PCNX2: variants seen among roughly 807,000 people sequenced by gnomAD.
PCNX2 encodes the protein pecanex-like protein 2.
PCNX2 carries 168 observed loss-of-function variants against 223.8 expected under a neutral mutation model. The observed-to-expected ratio is 0.75, with a 90% CI of 0.66 to 0.85. PCNX2 has a LOEUF of 0.85. PCNX2 is among the 40% of genes least tolerant of loss of function. PCNX2 has a pLI of 0.00. For synonymous variants in PCNX2, 1,006 were observed against 1,052.6 expected, an observed-to-expected ratio of 0.96 and a Z score of 0.86; for missense variants, 2,507 against 2,675.5, an observed-to-expected ratio of 0.94 and a Z score of 1.39.
At chr1:233,065,005 T>A (rs963018397) in intron 23 of PCNX2, among the ~76,000 whole-genome samples, 5 of 151,834 alleles carry the variant, frequency 3.3e-5, no homozygotes, top group Admixed American at 6.6e-5. Flanking sequence ...AAAACTAAAA[T>A]TTTTTTTTCA....
At chr1:233,249,426 C>G (rs1404202612) in intron 8 of PCNX2, among the ~76,000 whole-genome samples, 1 of 152,218 alleles carries the variant, frequency 6.6e-6, no homozygotes, top group African/African-American at 2.4e-5. Flanking sequence ...AAGCTGCCAT[C>G]TTAGATGACT....
chr1:232,990,999 C>T lies in PCNX2; in HGVS notation c.5792-4459G>A, dbSNP rs1242860518. ...GGTGGTGTGGTCTTCACATGTGCTC[C>T]TGTCACAGGCTCTGCAGAAGTTAGG... On this transcript the variant is annotated intron_variant, in intron 32 of 33. Transcript: ENST00000258229. The surrounding 1 kb of genome is among the most constrained non-coding windows in gnomAD (Gnocchi z 4.3). Among the ~76,000 whole-genome samples the T allele has an allele frequency of 1.3e-5, 2 of 152,204 alleles. No homozygotes were observed. Among genetic ancestry groups the T allele is most frequent in the Non-Finnish European group, 2.9e-5 (2 of 68,034 alleles).
chr1:233,128,911 G>A (rs548492223), intron 21 of PCNX2, among the ~76,000 whole-genome samples: 12 of 152,356 alleles, frequency 7.9e-5, no homozygotes, highest in Admixed American at 3.9e-4. Flanking sequence ...CATGTCTCAG[G>A]AAGGGACATG....
intron 26 of PCNX2, 114 bp from the exon 27 acceptor site, chr1:233,017,268 T>A: frequency 1.6e-6 from 1 of 643,656 alleles, no homozygotes; most frequent in Admixed American, 3.5e-5. Flanking sequence ...TTGTATGTTC[T>A]GCTGGGTGTA....
At position 233,198,943 on chromosome 1, in the gene PCNX2, A is replaced by G. The variant is rs1680893127; in HGVS notation, c.3062T>C (p.Val1021Ala). The G allele has an allele frequency of 1.2e-6, 2 of 1,603,268 alleles. No individual in the cohort carries two copies. Among genetic ancestry groups the G allele is most frequent in the Non-Finnish European group, 1.7e-6 (2 of 1,175,224 alleles). Residue 1021 changes from valine to alanine, a missense_variant, in exon 15 of 34, where the codon GTG becomes GCG. Coordinates refer to ENST00000258229, the MANE Select transcript of PCNX2 (RefSeq NM_014801.4). Reference sequence around the variant, plus strand: ...GCCCATGGTCCTCACACCTACCTTCACTGCACTGAAGCAGACTGCGTGGAG... The same window carrying G: ...GCCCATGGTCCTCACACCTACCTTCGCTGCACTGAAGCAGACTGCGTGGAG... ...ALLHAVCFSAVKEPWSMQHIP... is the reference protein window; with the variant it reads ...ALLHAVCFSAAKEPWSMQHIP...
At position 232,999,126 on chromosome 1, in the gene PCNX2, C is replaced by T. The variant is rs759979380; in HGVS notation, c.5582G>A (p.Trp1861Ter). 6.2e-7 allele frequency: 1 copy of T among 1,610,646 alleles called. No individual in the cohort carries two copies. Among genetic ancestry groups the T allele is most frequent in the South Asian group, 1.1e-5 (1 of 90,860 alleles). ...TTACCTTACCCACTTGGTCCAGAAC[C>T]AGGTCCTAATTCTGTCCAAAGTGAT... The part of the protein sequence containing the change: ...GPITLDRIRT[W>*]FWTKWVRMRK... Residue 1861 changes from tryptophan (W) to a stop codon, truncating the protein, a stop_gained, in exon 31 of 34, where the codon TGG (tryptophan) becomes TAG (stop). Transcript: ENST00000258229. LOFTEE classifies it high-confidence loss of function.
intron 23 of PCNX2, among the ~76,000 whole-genome samples, chr1:233,068,270 G>T (rs1461857991): frequency 6.6e-6 from 1 of 151,730 alleles, no homozygotes; most frequent in African/African-American, 2.4e-5. Flanking sequence ...CTCAAAGGAA[G>T]AAAAACTAAC....
At chr1:233,035,936 G>A (rs7547840) in intron 25 of PCNX2, among the ~76,000 whole-genome samples, 3,725 of 152,256 alleles carry the variant, frequency 0.024, 164 homozygotes, top group African/African-American at 0.084. Flanking sequence ...ATATTAACAG[G>A]AGGAGGGCCC....
intron 19 of PCNX2, among the ~76,000 whole-genome samples, chr1:233,140,264 C>T (rs1364510573): frequency 6.6e-6 from 1 of 152,186 alleles, no homozygotes; most frequent in African/African-American, 2.4e-5. Flanking sequence ...AAGCTAGTTT[C>T]TGGGCTTTCT....
intron 25 of PCNX2, among the ~76,000 whole-genome samples, chr1:233,026,739 T>C (rs1466364209): frequency 2.0e-5 from 3 of 152,132 alleles, no homozygotes; most frequent in Non-Finnish European, 2.9e-5. Flanking sequence ...AAGAATGAAA[T>C]TACTATTTAC....
chr1:233,273,630 A>ATTTT lies in PCNX2; in HGVS notation c.154-10471_154-10468dup, dbSNP rs386369983. ...TCAATAAAAGAGAAGCTCTTTTGGC[A>ATTTT]TTTTTTTTTTTTTGATAGAATCTTA... On this transcript the variant is annotated intron_variant, in intron 1 of 33. Coordinates refer to ENST00000258229, the MANE Select transcript of PCNX2 (RefSeq NM_014801.4). 9.9e-3 allele frequency among the ~76,000 whole-genome samples: 1,455 copies of ATTTT among 146,410 alleles called. 14 individuals are homozygous for ATTTT. Among genetic ancestry groups the ATTTT allele is most frequent in the South Asian group, 0.026 (121 of 4,632 alleles).
chr1:233,083,285 C>T (rs983044450), intron 23 of PCNX2, among the ~76,000 whole-genome samples: 1 of 152,106 alleles, frequency 6.6e-6, no homozygotes, highest in African/African-American at 2.4e-5. Flanking sequence ...ACCATTTGGC[C>T]TGAAAAAGAG....
intron 1 of PCNX2, among the ~76,000 whole-genome samples, chr1:233,283,659 A>G (rs1372450632): frequency 6.6e-6 from 1 of 152,194 alleles, no homozygotes; most frequent in Non-Finnish European, 1.5e-5. Context: ...TTGTGGGACC[A>G]CACTAAAAAG....
intron 1 of PCNX2, among the ~76,000 whole-genome samples, chr1:233,291,427 T>C (rs1190331650): frequency 6.6e-6 from 1 of 151,854 alleles, no homozygotes; most frequent in Non-Finnish European, 1.5e-5. Flanking sequence ...TTGACCAACA[T>C]GGAGAAACCC....
At chr1:232,985,799 G>C in intron 33 of PCNX2, 1 of 594,268 alleles carries the variant, frequency 1.7e-6, no homozygotes, top group Non-Finnish European at 3.0e-6. Context: ...GTCATGCCCC[G>C]GTGTAGGGCA....
At chr1:233,312,946 G>GAATTCACATACA in the PCNX2 span, among the ~76,000 whole-genome samples, 1 of 151,618 alleles carries the variant, frequency 6.6e-6, no homozygotes, top group Non-Finnish European at 1.5e-5. Context: ...CAAATGGAAA[G>GAATTCACATACA]GCATAGACAC....
intron 15 of PCNX2, among the ~76,000 whole-genome samples, chr1:233,182,337 C>G (rs527608052): frequency 6.6e-6 from 1 of 152,142 alleles, no homozygotes; most frequent in Non-Finnish European, 1.5e-5. Flanking sequence ...CAATTTGCTT[C>G]TTCTTTCCAT....
chr1:233,106,258 C>T, intron 21 of PCNX2, among the ~76,000 whole-genome samples: 1 of 152,018 alleles, frequency 6.6e-6, no homozygotes, highest in Middle Eastern at 3.2e-3. Flanking sequence ...ACAGCTTCTC[C>T]ATCTTTGAGT....
intron 25 of PCNX2, among the ~76,000 whole-genome samples, chr1:233,041,330 A>G (rs571160501): frequency 6.6e-6 from 1 of 152,180 alleles, no homozygotes; most frequent in Non-Finnish European, 1.5e-5. Flanking sequence ...CAAAAATCCA[A>G]AATCTTAAAT....
Sources: gnomAD v4.1 joint callset for allele counts (sites outside exome capture counted in the v4.1 genomes callset) on GRCh38, gnomAD v4.1.1 for gene constraint, Gnocchi (gnomAD v3.1) non-coding constraint, MANE v1.5 for transcripts, NCBI Gene and HGNC (gene_info 2026-07-23, HGNC 2026-07-21) for gene names.